The following MYOCD variants were observed in gnomAD, a reference collection of about 807,000 sequenced individuals.
The protein encoded by MYOCD is myocardin.
Under a neutral mutation model 96.1 loss-of-function variants are expected in MYOCD, and 32 were observed. The observed-to-expected ratio is 0.33, with a 90% CI of 0.25 to 0.45. The LOEUF is 0.45. Among genes scored for constraint, MYOCD ranks in the 20% least tolerant of loss-of-function variants. MYOCD has a pLI of 1.00. For missense variants in MYOCD, 1,133 were observed against 1,200.6 expected, an observed-to-expected ratio of 0.94 and a Z score of 0.83; for synonymous variants, 469 against 469.0, an observed-to-expected ratio of 1.00 and a Z score of 0.00.
chr17:12,740,315 C>T (rs914684463), intron 7 of MYOCD, among the ~76,000 whole-genome samples: 5 of 152,202 alleles, frequency 3.3e-5, no homozygotes, highest in African/African-American at 1.2e-4. Flanking sequence ...TCTTTTATCC[C>T]TCACCCCACT....
At chr17:12,701,005 T>C (rs771314235) in intron 1 of MYOCD, among the ~76,000 whole-genome samples, 1 of 152,228 alleles carries the variant, frequency 6.6e-6, no homozygotes, top group Non-Finnish European at 1.5e-5. Context: ...TGGTAAGCTT[T>C]AGTTTTCACG....
intron 4 of MYOCD, among the ~76,000 whole-genome samples, chr17:12,721,777 A>G (rs959662190): frequency 1.3e-5 from 2 of 152,240 alleles, no homozygotes; most frequent in African/African-American, 4.8e-5. Context: ...GATGAGTCAG[A>G]AAGATGGCTG....
rs2033387462 is a variant in MYOCD at position 12,768,091 on chromosome 17, A to G, written c.*4447A>G. ...AAGAGTCTGGGTTCTTGGTTTTCTCATAAATCCAATATAAATTTGTAGGTT... is the reference window on the plus strand; with the variant it reads ...AAGAGTCTGGGTTCTTGGTTTTCTCGTAAATCCAATATAAATTTGTAGGTT... On this transcript the variant is annotated 3_prime_UTR_variant, in exon 14 of 14. Transcript: ENST00000425538. The G allele has an allele frequency of 6.6e-6, 1 of 152,218 alleles. No homozygotes were observed. Among genetic ancestry groups the G allele is most frequent in the Non-Finnish European group, 1.5e-5 (1 of 68,040 alleles). The allele number at this position is 152,218 out of a possible 1,614,324, so 9.4% of individuals were successfully genotyped here. A position where few individuals can be genotyped will look rare whatever the true frequency, so the allele number is the denominator to read the frequency against.
At chr17:12,750,252 C>T (rs2032807246) in intron 9 of MYOCD, among the ~76,000 whole-genome samples, 1 of 152,184 alleles carries the variant, frequency 6.6e-6, no homozygotes, top group African/African-American at 2.4e-5. Context: ...ATCACCTGAG[C>T]TCTTGGTAGC....
chr17:12,676,336 TAA>T (rs542448174), intron 1 of MYOCD, among the ~76,000 whole-genome samples: 192 of 151,580 alleles, frequency 1.3e-3, no homozygotes, highest in African/African-American at 4.3e-3. Context: ...AAATTTCTTT[TAA>T]AAGTTAAAAA....
intron 1 of MYOCD, 41 bp downstream of exon 1, chr17:12,666,284 C>T (rs754304865): frequency 1.4e-6 from 2 of 1,426,470 alleles, no homozygotes; most frequent in South Asian, 1.2e-5. Flanking sequence ...AAACTTTCCT[C>T]TTCTGCAATT....
intron 8 of MYOCD, among the ~76,000 whole-genome samples, chr17:12,745,260 A>G (rs1212950336): frequency 2.6e-5 from 4 of 151,826 alleles, no homozygotes; most frequent in Non-Finnish European, 5.9e-5. Flanking sequence ...CCCAGGCTGG[A>G]GTGCAATGGC....
Position 12,736,334 on chromosome 17 carries a change from C to A in MYOCD, c.589C>A (p.Gln197Lys). ...TPSTGSLGTN[Q>K]DLASGSENDR... Reference sequence around the variant, plus strand: ...TTCGACAGGTTCTCTGGGGACAAACCAGGTAAAAAACAAAACAAACAAACG... The same window carrying A: ...TTCGACAGGTTCTCTGGGGACAAACAAGGTAAAAAACAAAACAAACAAACG... The change falls in exon 6 of 14, where the codon CAG becomes AAG. Residue 197 changes from glutamine to lysine, a missense_variant and splice_region_variant. Gln to Lys is a moderately conservative substitution (Grantham distance 53). Transcript: ENST00000425538. The A allele has an allele frequency of 6.2e-7, 1 of 1,611,538 alleles. No homozygotes were observed. Among genetic ancestry groups the A allele is most frequent in the African/African-American group, 1.3e-5 (1 of 74,838 alleles).
intron 1 of MYOCD, among the ~76,000 whole-genome samples, chr17:12,697,602 C>T (rs1429706253): frequency 1.3e-5 from 2 of 151,524 alleles, no homozygotes; most frequent in Non-Finnish European, 2.9e-5. Flanking sequence ...GACCTCGTCT[C>T]GGCCTCCCAA....
Position 12,752,651 on chromosome 17 carries a change from A to G in MYOCD, c.1363A>G (p.Ser455Gly). 1 of 1,613,982 alleles carries G rather than the reference A, an allele frequency of 6.2e-7. No homozygotes were observed. The highest frequency in any genetic ancestry group is 2.2e-5 in the East Asian group (1 of 44,878). ...CTACCACTTTGGCAGCACCAGCTCC[A>G]GCCCCCCGATCTCCCCAGCCTCCTC... is the stretch of plus-strand genomic sequence containing the variant. ...GFYHFGSTSS[S>G]PPISPASSDL... is the part of the protein sequence containing the mutation. Residue 455 changes from serine (S) to glycine (G), a missense_variant, in exon 10 of 14, where the codon AGC becomes GGC. Coordinates refer to ENST00000425538, the MANE Select transcript of MYOCD (RefSeq NM_001146312.3).
chr17:12,703,030 C>T (rs1287620714), intron 1 of MYOCD, among the ~76,000 whole-genome samples: 1 of 151,918 alleles, frequency 6.6e-6, no homozygotes, highest in Non-Finnish European at 1.5e-5. Flanking sequence ...GAAGAATTTA[C>T]TTAAGCATTT....
At chr17:12,706,022 T>C (rs1156549936) in intron 2 of MYOCD, 1 of 152,210 alleles carries the variant, frequency 6.6e-6, no homozygotes, top group African/African-American at 2.4e-5. Context: ...CCCTATATAG[T>C]GTAGTTAGTT....
intron 5 of MYOCD, among the ~76,000 whole-genome samples, chr17:12,730,446 CAA>C (rs374306460): frequency 6.4e-4 from 45 of 70,474 alleles, no homozygotes; most frequent in Admixed American, 1.3e-3. Flanking sequence ...AACTCCATCT[CAA>C]AAAAAAAAAA....
At chr17:12,733,092 C>T (rs1236133028) in intron 5 of MYOCD, among the ~76,000 whole-genome samples, 4 of 152,046 alleles carry the variant, frequency 2.6e-5, no homozygotes, top group South Asian at 2.1e-4. Flanking sequence ...AGGTGGATCA[C>T]GAGGTCAGGA....
chr17:12,678,281 T>C (rs1417718652), intron 1 of MYOCD, among the ~76,000 whole-genome samples: 1 of 151,170 alleles, frequency 6.6e-6, no homozygotes, highest in Non-Finnish European at 1.5e-5. Flanking sequence ...CAAAGTGTTT[T>C]ATATATCTAT....
Position 12,766,826 on chromosome 17 carries a change from A to G in MYOCD, c.*3182A>G, listed in dbSNP as rs1345949953. 6.6e-6 allele frequency: 1 copy of G among 151,930 alleles called. No individual in the cohort carries two copies. The highest frequency in any genetic ancestry group is 2.4e-5 in the African/African-American group (1 of 41,208). The allele number at this position is 151,930 out of a possible 1,614,324, so 9.4% of individuals were successfully genotyped here. A position where few individuals can be genotyped will look rare whatever the true frequency, so the allele number is the denominator to read the frequency against. On this transcript the variant is annotated 3_prime_UTR_variant, in exon 14 of 14. Coordinates refer to ENST00000425538, the MANE Select transcript of MYOCD (RefSeq NM_001146312.3). ...CTATCTGCTGCAGTCTGGTAGATTCATACTTATCTAAAGAAGTCAAAAAAT... is the reference window on the plus strand; with the variant it reads ...CTATCTGCTGCAGTCTGGTAGATTCGTACTTATCTAAAGAAGTCAAAAAAT...
At chr17:12,720,358 G>A (rs2031794702) in intron 4 of MYOCD, 1 of 152,054 alleles carries the variant, frequency 6.6e-6, no homozygotes, top group Admixed American at 6.6e-5. Context: ...CATGTGGAAG[G>A]TTTTTCTCTC....
chr17:12,711,913 ATT>A (rs896228579), intron 2 of MYOCD, among the ~76,000 whole-genome samples: 1 of 141,556 alleles, frequency 7.1e-6, no homozygotes, highest in African/African-American at 2.6e-5. Context: ...AGGAATTGGG[ATT>A]TCTTTTTTCT....
chr17:12,677,936 A>G (rs1292973250), intron 1 of MYOCD, among the ~76,000 whole-genome samples: 1 of 134,658 alleles, frequency 7.4e-6, no homozygotes, highest in Non-Finnish European at 1.6e-5. Flanking sequence ...CTCTGTCCCC[A>G]GGCTGGAGTG....
Sources: allele counts gnomAD v4.1 joint callset (sites outside exome capture counted in the v4.1 genomes callset), GRCh38; gene constraint gnomAD v4.1.1; transcripts MANE v1.5; gene names NCBI Gene and HGNC (gene_info 2026-07-23, HGNC 2026-07-21).